NHSL2: variants seen among roughly 807,000 people sequenced by gnomAD.
The protein encoded by NHSL2 is NHS-like protein 2.
Under a neutral mutation model 53.4 loss-of-function variants are expected in NHSL2, and 27 were observed. That is an observed-to-expected ratio of 0.51 (90% CI 0.37 to 0.70). The LOEUF is 0.70. NHSL2 is among the 30% of genes least tolerant of loss of function. The probability of loss-of-function intolerance (pLI) is 0.00; values close to 1 mark genes in which losing one functional copy is unlikely to be tolerated. For missense variants in NHSL2, 892 were observed against 980.1 expected, an observed-to-expected ratio of 0.91 and a Z score of 1.20; for synonymous variants, 408 against 404.1, an observed-to-expected ratio of 1.01 and a Z score of -0.12.
In NHSL2 at chrX:72,040,443, T is replaced by C. The variant is rs754418104; in HGVS notation, c.281-91636T>C. Among the ~76,000 whole-genome samples, 3 of 112,166 alleles carry C rather than the reference T, an allele frequency of 2.7e-5. No individual in the cohort carries two copies. In the South Asian group the frequency reaches 1.1e-3, roughly 41 times the overall value. ...ACACTCTGTAATGAAGTATCGTGAT[T>C]TCCATTTTTTTCAAGTTTGGACATT... is the stretch of plus-strand genomic sequence containing the variant. On this transcript the variant is annotated intron_variant, in intron 1 of 7. Coordinates refer to ENST00000633930, the MANE Select transcript of NHSL2 (RefSeq NM_001013627.3).
At chrX:72,068,490 G>T (rs2042444696) in intron 1 of NHSL2, among the ~76,000 whole-genome samples, 1 of 112,219 alleles carries the variant, frequency 8.9e-6, no homozygotes, top group Non-Finnish European at 1.9e-5. Flanking sequence ...AGGCACTTGA[G>T]GCTGTCTAGC....
At chrX:71,948,597 C>T (rs1190482900) in intron 1 of NHSL2, among the ~76,000 whole-genome samples, 6 of 110,638 alleles carry the variant, frequency 5.4e-5, no homozygotes, top group Non-Finnish European at 1.9e-5. Flanking sequence ...TTTGGGAGGC[C>T]GAGGTGGGTG....
chrX:72,090,491 C>T (rs1182867450), intron 1 of NHSL2, among the ~76,000 whole-genome samples: 1 of 111,971 alleles, frequency 8.9e-6, no homozygotes, highest in African/African-American at 3.2e-5. Context: ...GTATAGTATT[C>T]CTTAGTAAGA....
chrX:72,086,826 C>T (rs2041851428), intron 1 of NHSL2, among the ~76,000 whole-genome samples: 1 of 110,692 alleles, frequency 9.0e-6, no homozygotes, highest in African/African-American at 3.3e-5. Context: ...TACAGTAAAG[C>T]TGATTTTTTA....
At chrX:71,980,225 G>T (rs768261117) in intron 1 of NHSL2, among the ~76,000 whole-genome samples, 376 of 111,824 alleles carry the variant, frequency 3.4e-3, no homozygotes, top group Non-Finnish European at 5.3e-3. Flanking sequence ...TTTTGGCTTA[G>T]GATTGACTTG....
chrX:72,049,376 A>G (rs1158084491), intron 1 of NHSL2, among the ~76,000 whole-genome samples: 8 of 111,672 alleles, frequency 7.2e-5, no homozygotes, highest in African/African-American at 2.6e-4. Context: ...GGGACAATCC[A>G]ATAGTCAAGA....
At chrX:72,086,641 G>C (rs944825093) in intron 1 of NHSL2, among the ~76,000 whole-genome samples, 1 of 88,522 alleles carries the variant, frequency 1.1e-5, no homozygotes, top group African/African-American at 4.5e-5. Flanking sequence ...CTGAGATTAT[G>C]CCACTGTACT....
chrX:72,087,701 C>A (rs752881146), intron 1 of NHSL2, among the ~76,000 whole-genome samples: 1 of 110,431 alleles, frequency 9.1e-6, no homozygotes, highest in South Asian at 3.8e-4. Flanking sequence ...GAAACCCCAT[C>A]TCTACTAAAA....
intron 1 of NHSL2, among the ~76,000 whole-genome samples, chrX:71,918,331 G>A (rs1201922293): frequency 6.4e-5 from 7 of 108,764 alleles, no homozygotes; most frequent in African/African-American, 2.4e-4. Flanking sequence ...CTTCAGAATC[G>A]TCTGTAATTC....
intron 1 of NHSL2, chrX:72,131,638 G>C: frequency 1.1e-6 from 1 of 898,716 alleles, no homozygotes; most frequent in Non-Finnish European, 1.5e-6. Context: ...CGGGGCTCGG[G>C]AGGGACCGAA....
intron 1 of NHSL2, among the ~76,000 whole-genome samples, chrX:72,016,086 T>G (rs1281276224): frequency 7.1e-5 from 8 of 112,363 alleles, no homozygotes; most frequent in Admixed American, 5.6e-4. Context: ...TATATAAATC[T>G]CTATTTTTCC....
intron 1 of NHSL2, among the ~76,000 whole-genome samples, chrX:72,100,250 TACAC>T (rs1418952890): frequency 1.8e-5 from 2 of 111,845 alleles, no homozygotes; most frequent in Non-Finnish European, 3.8e-5. Flanking sequence ...AGAGTGTACT[TACAC>T]AGACCTAGAT....
At chrX:72,073,050 G>A (rs182118843) in intron 1 of NHSL2, among the ~76,000 whole-genome samples, 1 of 112,327 alleles carries the variant, frequency 8.9e-6, no homozygotes, top group East Asian at 2.8e-4. Context: ...TTGGGAAGAT[G>A]CGATGTGAGA....
At chrX:72,129,185 T>C (rs2042257477) in intron 1 of NHSL2, 1 of 113,110 alleles carries the variant, frequency 8.8e-6, no homozygotes, top group Admixed American at 9.3e-5. Flanking sequence ...AGGGCAAATC[T>C]CCGTCAAGTT....
At chrX:71,929,581 C>T (rs968105696) in intron 1 of NHSL2, among the ~76,000 whole-genome samples, 32 of 112,060 alleles carry the variant, frequency 2.9e-4, no homozygotes, top group Admixed American at 9.4e-5. Flanking sequence ...AAGGCAAAGC[C>T]GAAGCTGGAG....
intron 1 of NHSL2, among the ~76,000 whole-genome samples, chrX:72,024,811 GAAGGTGTTAATC>G (rs1163845452): frequency 8.9e-6 from 1 of 112,264 alleles, no homozygotes; most frequent in Non-Finnish European, 1.9e-5. Flanking sequence ...GTGTTATATT[GAAGGTGTTAATC>G]AAGAAGCACA....
At chrX:72,047,378 A>T (rs1000317480) in intron 1 of NHSL2, among the ~76,000 whole-genome samples, 1 of 112,358 alleles carries the variant, frequency 8.9e-6, no homozygotes, top group African/African-American at 3.2e-5. Context: ...CACGGAGGCC[A>T]TCGACATTGG....
At chrX:71,949,199 T>C (rs2041808389) in intron 1 of NHSL2, among the ~76,000 whole-genome samples, 1 of 111,580 alleles carries the variant, frequency 9.0e-6, no homozygotes, top group Non-Finnish European at 1.9e-5. Context: ...TAAAAAATGC[T>C]CTTACTTGAT....
At chrX:71,950,854 G>A (rs925365414) in intron 1 of NHSL2, among the ~76,000 whole-genome samples, 12 of 111,687 alleles carry the variant, frequency 1.1e-4, no homozygotes, top group Non-Finnish European at 2.3e-4. Context: ...GCAGCCTGTA[G>A]CTGTGATGGG....
Sources: gnomAD v4.1 joint callset for allele counts (sites outside exome capture counted in the v4.1 genomes callset) on GRCh38, gnomAD v4.1.1 for gene constraint, MANE v1.5 for transcripts, NCBI Gene and HGNC (gene_info 2026-07-23, HGNC 2026-07-21) for gene names.